ATAD2B: variants seen among roughly 807,000 people sequenced by gnomAD.
ATAD2B encodes the protein ATPase family AAA domain containing 2B.
Under a neutral mutation model 167.6 loss-of-function variants are expected in ATAD2B, and 40 were observed. The observed-to-expected ratio is 0.24, with a 90% confidence interval of 0.19 to 0.31. The LOEUF (loss-of-function observed/expected upper bound fraction) is 0.31, where lower values mean the gene tolerates loss of function less well. Ranked by LOEUF, ATAD2B falls within the 10% of genes least tolerant of loss-of-function variation. The pLI is 1.00. For missense variants in ATAD2B, 1,242 were observed against 1,757.2 expected (o/e 0.71, Z 5.24); for synonymous variants, 579 against 596.5 (o/e 0.97, Z 0.43).
intron 4 of ATAD2B, among the ~76,000 whole-genome samples, chr2:23,886,867 C>A (rs566297151): frequency 6.7e-6 from 1 of 150,062 alleles, no homozygotes; most frequent in African/African-American, 2.5e-5. Flanking sequence ...GGAGGCAGAG[C>A]TTGCAGTGAG....
At chr2:23,780,256 A>C (rs1679805707) in intron 22 of ATAD2B, among the ~76,000 whole-genome samples, 1 of 140,568 alleles carries the variant, frequency 7.1e-6, no homozygotes, top group African/African-American at 2.7e-5. Context: ...TCCAAAAAAA[A>C]AAGTATATAC....
At position 23,749,134 on chromosome 2, in the gene ATAD2B, A is replaced by G. The variant is rs1315273639; in HGVS notation, c.*2912T>C. 9 of 152,158 alleles carry G rather than the reference A, an allele frequency of 5.9e-5. No homozygotes were observed. The highest frequency in any genetic ancestry group is 2.2e-4 in the African/African-American group (9 of 41,542). The allele number at this position is 152,158 out of a possible 1,614,324, so 9.4% of individuals were successfully genotyped here. On this transcript the variant is annotated 3_prime_UTR_variant, in exon 28 of 28. Transcript: ENST00000238789. ...TAAAATCCAGTAAACCTACAAATACATTGGCTTATGAGAAAAATCAAGTCA... is the reference window on the plus strand; with the variant it reads ...TAAAATCCAGTAAACCTACAAATACGTTGGCTTATGAGAAAAATCAAGTCA...
chr2:23,753,902 ATACTATT>A (rs1320151736), intron 27 of ATAD2B, among the ~76,000 whole-genome samples: 1 of 152,098 alleles, frequency 6.6e-6, no homozygotes, highest in Admixed American at 6.6e-5. Flanking sequence ...GAATTGTGAC[ATACTATT>A]TCTGTATATT....
intron 7 of ATAD2B, among the ~76,000 whole-genome samples, chr2:23,877,560 A>AGGGAG (rs1697083716): frequency 1.2e-4 from 1 of 8,198 alleles, no homozygotes; most frequent in African/African-American, 5.2e-4. Flanking sequence ...GGGCAGGGGA[A>AGGGAG]GGGAGGGGAG....
chr2:23,753,839 C>G (rs1675640333), intron 27 of ATAD2B, among the ~76,000 whole-genome samples: 1 of 152,068 alleles, frequency 6.6e-6, no homozygotes, highest in Non-Finnish European at 1.5e-5. Flanking sequence ...CCACATCCGA[C>G]AAGCCCAAGT....
chr2:23,706,491 C>T, the ATAD2B span: 1 of 1,529,474 alleles, frequency 6.5e-7, no homozygotes, highest in Non-Finnish European at 8.7e-7. Context: ...TGCTGTGGTG[C>T]TTGATGGCAA....
rs765035704 is a variant in ATAD2B at position 23,863,366 on chromosome 2, G to T, written c.1479+15C>A. 40 of 1,546,680 alleles carry T rather than the reference G, an allele frequency of 2.6e-5. No homozygotes were observed. Among genetic ancestry groups the T allele is most frequent in the Non-Finnish European group, 3.5e-5 (40 of 1,145,492 alleles). On this transcript the variant is annotated intron_variant, in intron 12 of 27. Coordinates refer to ENST00000238789, the MANE Select transcript of ATAD2B (RefSeq NM_017552.4). ...CAGAACAGAAAAGACTCTTGAATTA[G>T]ATGATTTCTCTTACCTGATCAAAAA...
At chr2:23,852,295 CT>C (rs879579418) in intron 13 of ATAD2B, among the ~76,000 whole-genome samples, 85 of 146,376 alleles carry the variant, frequency 5.8e-4, no homozygotes, top group Non-Finnish European at 4.5e-4. Context: ...GCCATCTCAT[CT>C]TTTTTTTTTT....
the ATAD2B span, among the ~76,000 whole-genome samples, chr2:23,686,720 C>T: frequency 6.6e-6 from 1 of 152,112 alleles, no homozygotes. Flanking sequence ...CCCAGGTCCC[C>T]AGGTTGGGCC....
chr2:23,714,985 C>A, the ATAD2B span, among the ~76,000 whole-genome samples: 1 of 152,078 alleles, frequency 6.6e-6, no homozygotes, highest in East Asian at 1.9e-4. Context: ...GTCCAGAAGA[C>A]TTCAGTCTCT....
intron 1 of ATAD2B, among the ~76,000 whole-genome samples, chr2:23,904,721 G>C (rs1331051601): frequency 6.6e-6 from 1 of 152,036 alleles, no homozygotes; most frequent in Non-Finnish European, 1.5e-5. Context: ...AAATGTATGG[G>C]TACAAATCAA....
At position 23,749,503 on chromosome 2, in the gene ATAD2B, T is replaced by C. The variant is rs1006653778; in HGVS notation, c.*2543A>G. ...CACTTTTTTAATTTCACAAGCTGCT[T>C]TAAACTATAGAACCACCAGATATCT... On this transcript the variant is annotated 3_prime_UTR_variant, in exon 28 of 28. Coordinates refer to ENST00000238789, the MANE Select transcript of ATAD2B (RefSeq NM_017552.4). 2.6e-5 allele frequency: 4 copies of C among 152,152 alleles called. No homozygotes were observed. Among genetic ancestry groups the C allele is most frequent in the South Asian group, 2.1e-4 (1 of 4,832 alleles). 9.4% of individuals were successfully genotyped at this position (152,152 alleles called of 1,614,324 possible).
intron 27 of ATAD2B, among the ~76,000 whole-genome samples, chr2:23,752,566 C>G (rs1675480495): frequency 6.6e-6 from 1 of 151,638 alleles, no homozygotes; most frequent in African/African-American, 2.4e-5. Flanking sequence ...GTATTACTAT[C>G]AGGTCCATTT....
At chr2:23,740,169 G>C in the ATAD2B span, among the ~76,000 whole-genome samples, 1 of 152,140 alleles carries the variant, frequency 6.6e-6, no homozygotes. Flanking sequence ...CCAATCAATA[G>C]AAAAAGAGGG....
chr2:23,901,524 G>C (rs1433662239), intron 1 of ATAD2B, among the ~76,000 whole-genome samples: 5 of 151,920 alleles, frequency 3.3e-5, no homozygotes, highest in Non-Finnish European at 7.4e-5. Context: ...TGAAATTCTA[G>C]CAAGATTTTA....
the ATAD2B span, among the ~76,000 whole-genome samples, chr2:23,683,295 C>A: frequency 6.6e-6 from 1 of 152,200 alleles, no homozygotes; most frequent in African/African-American, 2.4e-5. Flanking sequence ...AATCGCCTGG[C>A]CTGAAGACAG....
intron 13 of ATAD2B, among the ~76,000 whole-genome samples, chr2:23,854,926 G>T (rs1334078434): frequency 6.6e-6 from 1 of 152,150 alleles, no homozygotes; most frequent in Non-Finnish European, 1.5e-5. Flanking sequence ...CAGGGGTATT[G>T]TCTCATGCCT....
chr2:23,735,299 T>C, the ATAD2B span, among the ~76,000 whole-genome samples: 4 of 140,578 alleles, frequency 2.8e-5, 1 homozygote, highest in East Asian at 5.9e-4. Context: ...TTAAACTCAA[T>C]ACTTACTTAG....
intron 12 of ATAD2B, among the ~76,000 whole-genome samples, chr2:23,860,708 C>T (rs1389237583): frequency 4.0e-5 from 6 of 151,894 alleles, no homozygotes; most frequent in African/African-American, 9.7e-5. Context: ...TGGTAACTCA[C>T]GCCTGTAATC....
Sources: gnomAD v4.1 joint callset for allele counts (sites outside exome capture counted in the v4.1 genomes callset) on GRCh38, gnomAD v4.1.1 for gene constraint, MANE v1.5 for transcripts, NCBI Gene and HGNC (gene_info 2026-07-23, HGNC 2026-07-21) for gene names.